FBXO4: variants seen among roughly 807,000 people sequenced by gnomAD.
The protein encoded by FBXO4 is F-box protein 4, also known as F-box only protein 4.
A neutral mutation model predicts 43.7 loss-of-function variants in FBXO4; 36 were observed. The ratio of observed to expected loss-of-function variants is 0.82; its 90% confidence interval spans 0.63 to 1.09. The LOEUF is 1.09. Among genes scored for constraint, FBXO4 ranks in the 50% least tolerant of loss-of-function variants. FBXO4 has a pLI of 0.00. For missense variants in FBXO4, 435 were observed against 474.1 expected, an observed-to-expected ratio of 0.92 and a Z score of 0.77; for synonymous variants, 180 against 165.6, an observed-to-expected ratio of 1.09 and a Z score of -0.67.
the FBXO4 span, chr5:41,967,465 T>G: frequency 1.6e-6 from 1 of 612,772 alleles, no homozygotes; most frequent in East Asian, 3.9e-5. Context: ...GAATTGTATG[T>G]TTCCTCAACT....
downstream of FBXO4, among the ~76,000 whole-genome samples, chr5:41,942,656 T>C (rs538644102): frequency 2.6e-5 from 4 of 152,240 alleles, no homozygotes; most frequent in South Asian, 8.3e-4. Context: ...ATCAAATCTT[T>C]TTTTCCTCCT....
chr5:42,009,555 G>A, the FBXO4 span, among the ~76,000 whole-genome samples: 1 of 152,110 alleles, frequency 6.6e-6, no homozygotes, highest in African/African-American at 2.4e-5. Context: ...TGGGCTAAGT[G>A]GAGCTTATTT....
chr5:42,039,774 T>C, the FBXO4 span, among the ~76,000 whole-genome samples: 1 of 152,112 alleles, frequency 6.6e-6, no homozygotes, highest in Non-Finnish European at 1.5e-5. Flanking sequence ...AGTGCCCAAA[T>C]CAATTTGACT....
At chr5:41,953,502 G>T in the FBXO4 span, among the ~76,000 whole-genome samples, 1 of 152,150 alleles carries the variant, frequency 6.6e-6, no homozygotes, top group African/African-American at 2.4e-5. Flanking sequence ...AGTCCTTTGG[G>T]TGTATACCCA....
At chr5:42,026,435 T>C in the FBXO4 span, among the ~76,000 whole-genome samples, 4 of 151,906 alleles carry the variant, frequency 2.6e-5, no homozygotes, top group African/African-American at 9.7e-5. Flanking sequence ...TTTCCTGAAT[T>C]TATTTACCAG....
the FBXO4 span, among the ~76,000 whole-genome samples, chr5:42,035,430 G>A: frequency 6.6e-6 from 1 of 152,206 alleles, no homozygotes; most frequent in South Asian, 2.1e-4. Context: ...TCCAGCATTG[G>A]TTAATATTAT....
At chr5:42,008,009 T>C in the FBXO4 span, among the ~76,000 whole-genome samples, 2 of 152,140 alleles carry the variant, frequency 1.3e-5, no homozygotes, top group East Asian at 3.9e-4. Flanking sequence ...AGAAAAAGAA[T>C]TAATAATGGA....
the FBXO4 span, among the ~76,000 whole-genome samples, chr5:42,009,521 G>A: frequency 4.6e-5 from 7 of 152,042 alleles, no homozygotes; most frequent in African/African-American, 1.7e-4. Context: ...CTAGGGCTTA[G>A]GGGTACAAGT....
At position 41,941,265 on chromosome 5, in the gene FBXO4, C is replaced by G; in HGVS notation, c.1148C>G (p.Ser383Cys). The change falls in exon 7 of 7, where the codon TCT becomes TGT. Residue 383 changes from serine to cysteine, a missense_variant. Coordinates refer to ENST00000281623, the MANE Select transcript of FBXO4 (RefSeq NM_012176.3). ...GIEWILEEVESKRAR is the reference protein window; with the variant it reads ...GIEWILEEVECKRAR ...GAGTGGATTCTTGAAGAAGTGGAAT[C>G]TAAGCGTGCAAGATGATTCTCTTTT... 6.2e-7 allele frequency: 1 copy of G among 1,613,488 alleles called. No homozygotes were observed. The highest frequency in any genetic ancestry group is 8.5e-7 in the Non-Finnish European group (1 of 1,179,552).
the FBXO4 span, among the ~76,000 whole-genome samples, chr5:41,952,411 A>G: frequency 6.6e-6 from 1 of 152,232 alleles, no homozygotes; most frequent in Non-Finnish European, 1.5e-5. Context: ...TGACTAATTT[A>G]TATAATATAT....
chr5:41,998,027 G>A, the FBXO4 span, among the ~76,000 whole-genome samples: 1 of 152,094 alleles, frequency 6.6e-6, no homozygotes, highest in African/African-American at 2.4e-5. Context: ...ACTTAGGTAG[G>A]GATGCAGCAG....
At chr5:41,974,768 G>C in the FBXO4 span, among the ~76,000 whole-genome samples, 6 of 152,080 alleles carry the variant, frequency 3.9e-5, no homozygotes, top group South Asian at 1.2e-3. Flanking sequence ...TCTGGTTCTG[G>C]TGATTGCTTT....
chr5:41,938,086 A>G (rs904228787), intron 5 of FBXO4, among the ~76,000 whole-genome samples: 5 of 152,180 alleles, frequency 3.3e-5, no homozygotes, highest in African/African-American at 9.7e-5. Flanking sequence ...GCATCTACTG[A>G]AAAAGATGAA....
chr5:41,935,612 A>G (rs1751829454), intron 5 of FBXO4, among the ~76,000 whole-genome samples: 1 of 152,212 alleles, frequency 6.6e-6, no homozygotes, highest in Non-Finnish European at 1.5e-5. Flanking sequence ...AGACCTTTCT[A>G]CCAATACAGG....
the FBXO4 span, among the ~76,000 whole-genome samples, chr5:41,995,210 A>G: frequency 3.9e-5 from 6 of 152,210 alleles, no homozygotes; most frequent in African/African-American, 1.4e-4. Context: ...TGCTGTGTGG[A>G]ATACTGTGAC....
chr5:42,012,702 T>C, the FBXO4 span, among the ~76,000 whole-genome samples: 1 of 152,128 alleles, frequency 6.6e-6, no homozygotes, highest in Non-Finnish European at 1.5e-5. Context: ...CAGAAGTCAG[T>C]GCTGTCTGTG....
the FBXO4 span, among the ~76,000 whole-genome samples, chr5:41,982,986 G>A: frequency 1.3e-5 from 2 of 152,106 alleles, no homozygotes; most frequent in Non-Finnish European, 2.9e-5. Flanking sequence ...TTCTGTTCTT[G>A]TGTTAGTTTG....
the FBXO4 span, among the ~76,000 whole-genome samples, chr5:42,020,763 C>G: frequency 6.6e-6 from 1 of 152,152 alleles, no homozygotes; most frequent in Non-Finnish European, 1.5e-5. Flanking sequence ...ATGGCCTCCA[C>G]TAGCCATAAG....
the FBXO4 span, among the ~76,000 whole-genome samples, chr5:41,949,735 A>T: frequency 1.3e-5 from 2 of 152,192 alleles, no homozygotes; most frequent in African/African-American, 2.4e-5. Flanking sequence ...ATATGGAATC[A>T]AAAAAGAGCT....
Sources: gnomAD v4.1 joint callset for allele counts (sites outside exome capture counted in the v4.1 genomes callset) on GRCh38, gnomAD v4.1.1 for gene constraint, MANE v1.5 for transcripts, NCBI Gene and HGNC (gene_info 2026-07-23, HGNC 2026-07-21) for gene names.